The following BAAT variants were observed in gnomAD, a reference collection of about 807,000 sequenced individuals.
The protein encoded by BAAT is bile acid-CoA:amino acid N-acyltransferase, also known as bile acid CoA: amino acid N-acyltransferase (glycine N-choloyltransferase).
In BAAT, 13 loss-of-function variants were observed where a neutral mutation model predicts 18.9. The observed-to-expected ratio is 0.69, with a 90% CI of 0.45 to 1.10. The LOEUF is 1.10. Among genes scored for constraint, BAAT ranks in the 50% least tolerant of loss-of-function variants. The pLI is 0.00. For missense variants in BAAT, 489 were observed against 504.0 expected, an observed-to-expected ratio of 0.97 and a Z score of 0.28; for synonymous variants, 170 against 190.7, an observed-to-expected ratio of 0.89 and a Z score of 0.89.
At chr9:101,377,553 C>T (rs1007968848) in intron 1 of BAAT, among the ~76,000 whole-genome samples, 2 of 152,174 alleles carry the variant, frequency 1.3e-5, no homozygotes, top group Non-Finnish European at 2.9e-5. Context: ...ATGTTTACAA[C>T]ACCCCTTCAT....
At chr9:101,369,931 T>G (rs1829901634) in intron 2 of BAAT, among the ~76,000 whole-genome samples, 1 of 152,214 alleles carries the variant, frequency 6.6e-6, no homozygotes, top group Admixed American at 6.5e-5. Context: ...TGATAAGTTT[T>G]ATAGCCATTA....
intron 3 of BAAT, among the ~76,000 whole-genome samples, chr9:101,365,407 G>A (rs1435485592): frequency 1.3e-5 from 2 of 151,944 alleles, no homozygotes; most frequent in African/African-American, 4.8e-5. Flanking sequence ...TAAACAAATG[G>A]AATGAGTCAT....
At chr9:101,367,058 G>A (rs1356517040) in intron 3 of BAAT, among the ~76,000 whole-genome samples, 2 of 145,668 alleles carry the variant, frequency 1.4e-5, no homozygotes, top group African/African-American at 5.1e-5. Flanking sequence ...GTTGCAGTGA[G>A]CTGAGATTGT....
At position 101,362,214 on chromosome 9, in the gene BAAT, G is replaced by A; in HGVS notation, c.*214C>T. The A allele has an allele frequency of 1.6e-6, 1 of 619,674 alleles. No individual in the cohort carries two copies. 38.4% of individuals were successfully genotyped at this position (619,674 alleles called of 1,614,324 possible). Reference sequence around the variant, plus strand: ...AAGTCATGTAAATAATAAGTAAAATGATTTGTTTTATGATTTATTCACCAT... The same window carrying A: ...AAGTCATGTAAATAATAAGTAAAATAATTTGTTTTATGATTTATTCACCAT... On this transcript the variant is annotated 3_prime_UTR_variant, in exon 4 of 4. Coordinates refer to ENST00000259407, the MANE Select transcript of BAAT (RefSeq NM_001701.4).
chr9:101,383,863 G>A (rs1190527619), intron 1 of BAAT, among the ~76,000 whole-genome samples: 1 of 152,068 alleles, frequency 6.6e-6, no homozygotes, highest in African/African-American at 2.4e-5. Context: ...TTTGCAAATG[G>A]TTTCTTTCCT....
At position 101,362,328 on chromosome 9, in the gene BAAT, T is replaced by C. The variant is rs781423078; in HGVS notation, c.*100A>G. 3.7e-5 allele frequency: 45 copies of C among 1,216,456 alleles called. 1 individual carries two copies. The highest frequency in any genetic ancestry group is 5.1e-5 in the Non-Finnish European group (43 of 849,352). 75.4% of individuals were successfully genotyped at this position (1,216,456 alleles called of 1,614,324 possible). Reference sequence around the variant, plus strand: ...TTTAATCATTAAAATTAATACAAAATGTGTGTGTGGCAGCTGGGGGAGACA... The same window carrying C: ...TTTAATCATTAAAATTAATACAAAACGTGTGTGTGGCAGCTGGGGGAGACA... On this transcript the variant is annotated 3_prime_UTR_variant, in exon 4 of 4. Coordinates refer to ENST00000259407, the MANE Select transcript of BAAT (RefSeq NM_001701.4).
At chr9:101,370,857 C>G in intron 2 of BAAT, 82 bp downstream of exon 2, 1 of 1,415,150 alleles carries the variant, frequency 7.1e-7, no homozygotes, top group Non-Finnish European at 1.0e-6. Flanking sequence ...ATTCTACAAG[C>G]TATTCAAGCT....
intron 1 of BAAT, among the ~76,000 whole-genome samples, chr9:101,383,806 T>C (rs934617418): frequency 6.6e-6 from 1 of 152,196 alleles, no homozygotes; most frequent in Non-Finnish European, 1.5e-5. Context: ...AGGGCATATT[T>C]TTCTTCTGCA....
chr9:101,368,028 G>C, intron 3 of BAAT, 92 bp downstream of exon 3: 1 of 1,361,258 alleles, frequency 7.3e-7, no homozygotes, highest in Admixed American at 1.8e-5. Context: ...CTCCAGCCTG[G>C]GTGACGGAGC....
chr9:101,363,017 T>C lies in BAAT; in HGVS notation c.670-2A>G. 6.2e-7 allele frequency: 1 copy of C among 1,611,502 alleles called. No homozygotes were observed. The highest frequency in any genetic ancestry group is 8.5e-7 in the Non-Finnish European group (1 of 1,178,352). On this transcript the variant is annotated splice_acceptor_variant, in intron 3 of 3. Transcript: ENST00000259407. LOFTEE classifies it high-confidence loss of function. Reference sequence around the variant, plus strand: ...TACCCCAACGCCTGAGCCAAAGACCTGAAAAAAATAATAGAAATGAGAAAT... The same window carrying C: ...TACCCCAACGCCTGAGCCAAAGACCCGAAAAAAATAATAGAAATGAGAAAT...
At chr9:101,380,542 G>A (rs1327949865) in intron 1 of BAAT, among the ~76,000 whole-genome samples, 1 of 152,116 alleles carries the variant, frequency 6.6e-6, no homozygotes, top group Non-Finnish European at 1.5e-5. Context: ...TGGGTTGGAA[G>A]GGCAAGCAAC....
intron 2 of BAAT, among the ~76,000 whole-genome samples, 173 bp from the exon 3 acceptor site, chr9:101,368,495 G>A (rs1393797981): frequency 6.6e-6 from 1 of 152,082 alleles, no homozygotes; most frequent in African/African-American, 2.4e-5. Flanking sequence ...ACATTCAAAT[G>A]TAATTTTGAA....
At chr9:101,365,269 A>G (rs1439389635) in intron 3 of BAAT, among the ~76,000 whole-genome samples, 1 of 152,244 alleles carries the variant, frequency 6.6e-6, no homozygotes, top group East Asian at 1.9e-4. Context: ...CCTATATTTT[A>G]AAGGCATTTT....
At chr9:101,366,462 G>A (rs546480224) in intron 3 of BAAT, among the ~76,000 whole-genome samples, 98 of 152,236 alleles carry the variant, frequency 6.4e-4, no homozygotes, top group Admixed American at 2.4e-3. Flanking sequence ...TGTGAAGTAG[G>A]TTTAATGGAA....
At chr9:101,376,361 CT>C (rs1195966431) in intron 1 of BAAT, 1 of 208,990 alleles carries the variant, frequency 4.8e-6, no homozygotes, top group African/African-American at 2.4e-5. Context: ...CCAGGCATTA[CT>C]CATCCTCTGT....
intron 1 of BAAT, among the ~76,000 whole-genome samples, chr9:101,372,734 T>C (rs372122059): frequency 6.1e-4 from 92 of 151,422 alleles, no homozygotes; most frequent in African/African-American, 2.0e-3. Context: ...AGCTGCTCCA[T>C]AGGAAACAGA....
At chr9:101,376,138 G>A (rs1423500527) in intron 1 of BAAT, 1 of 149,044 alleles carries the variant, frequency 6.7e-6, no homozygotes, top group East Asian at 2.0e-4. Context: ...TTTTTTTTCT[G>A]TTTAGCTGGT....
At chr9:101,375,452 C>A in intron 1 of BAAT, 1 of 187,622 alleles carries the variant, frequency 5.3e-6, no homozygotes, top group Non-Finnish European at 1.2e-5. Context: ...TGTTTTCCAG[C>A]ACAATTTATG....
intron 1 of BAAT, among the ~76,000 whole-genome samples, chr9:101,378,920 G>T (rs960969561): frequency 5.3e-5 from 8 of 152,054 alleles, no homozygotes; most frequent in Admixed American, 5.2e-4. Context: ...GTGGGTGAAG[G>T]ATATAAACAG....
Sources: gnomAD v4.1 joint callset for allele counts (sites outside exome capture counted in the v4.1 genomes callset) on GRCh38, gnomAD v4.1.1 for gene constraint, MANE v1.5 for transcripts, NCBI Gene and HGNC (gene_info 2026-07-23, HGNC 2026-07-21) for gene names.